Variants in VAPA observed in about 807,000 individuals in gnomAD.
VAPA encodes vesicle-associated membrane protein-associated protein A.
Under a neutral mutation model 25.6 loss-of-function variants are expected in VAPA, and 6 were observed. The observed-to-expected ratio is 0.23, with a 90% CI of 0.13 to 0.46. The LOEUF (loss-of-function observed/expected upper bound fraction) is 0.46, where lower values mean the gene tolerates loss of function less well. Among genes scored for constraint, VAPA ranks in the 20% least tolerant of loss-of-function variants. The probability of loss-of-function intolerance (pLI) is 0.99; values close to 1 mark genes in which losing one functional copy is unlikely to be tolerated. For synonymous variants in VAPA, 112 were observed against 106.2 expected (o/e 1.05, Z -0.34); for missense variants, 244 against 302.1 (o/e 0.81, Z 1.43).
At chr18:9,936,352 A>G in intron 3 of VAPA, 139 bp downstream of exon 3, 1 of 486,642 alleles carries the variant, frequency 2.1e-6, no homozygotes, top group Admixed American at 3.9e-5. Context: ...TCTTCATTAT[A>G]GATAATCCTA....
chr18:9,950,029 G>A (rs1248618003), intron 4 of VAPA: 1 of 177,604 alleles, frequency 5.6e-6, no homozygotes, highest in East Asian at 1.8e-4. Flanking sequence ...ACCTTCAATG[G>A]ATTTTGTTGA....
At chr18:9,948,559 C>G (rs975512105) in intron 4 of VAPA, 1 of 151,876 alleles carries the variant, frequency 6.6e-6, no homozygotes, top group Non-Finnish European at 1.5e-5. Context: ...TTGGTGTTGA[C>G]CCCATGTATA....
chr18:9,955,447 T>C lies in VAPA; in HGVS notation c.*1236T>C, dbSNP rs1418567038. The C allele has an allele frequency of 1.3e-5, 2 of 152,248 alleles. No homozygotes were observed. The highest frequency in any genetic ancestry group is 4.8e-5 in the African/African-American group (2 of 41,478). The allele number at this position is 152,248 out of a possible 1,614,324, so 9.4% of individuals were successfully genotyped here. Reference sequence around the variant, plus strand: ...TCCTGCACTTAGGTTTGTCCTATTCTTCATTTATTCATACTAGGATAGAAA... The same window carrying C: ...TCCTGCACTTAGGTTTGTCCTATTCCTCATTTATTCATACTAGGATAGAAA... On this transcript the variant is annotated 3_prime_UTR_variant, in exon 6 of 6. Transcript: ENST00000400000.
chr18:9,950,888 AC>A, intron 5 of VAPA: 1 of 263,066 alleles, frequency 3.8e-6, no homozygotes, highest in Non-Finnish European at 7.3e-6. Flanking sequence ...GTGTTGTCCC[AC>A]ATCATAGCCA....
At chr18:9,936,319 A>C (rs745918182) in intron 3 of VAPA, 106 bp downstream of exon 3, 18 of 688,254 alleles carry the variant, frequency 2.6e-5, no homozygotes, top group Non-Finnish European at 4.1e-5. Context: ...AGTTAAATTT[A>C]GGTTTTTAAA....
intron 4 of VAPA, among the ~76,000 whole-genome samples, chr18:9,940,337 C>T (rs1281685307): frequency 6.6e-6 from 1 of 151,958 alleles, no homozygotes; most frequent in Non-Finnish European, 1.5e-5. Flanking sequence ...AAGATTTTTC[C>T]AGGTCCAGAC....
At chr18:9,946,531 G>T (rs1322509696) in intron 4 of VAPA, among the ~76,000 whole-genome samples, 2 of 151,018 alleles carry the variant, frequency 1.3e-5, no homozygotes, top group East Asian at 3.9e-4. Context: ...TTTTATGTGT[G>T]GCCCAAGACA....
rs564077427 is a variant in VAPA at position 9,930,517 on chromosome 18, T to C, written c.80-1293T>C. On this transcript the variant is annotated intron_variant, in intron 1 of 5. Transcript: ENST00000400000. Reference sequence around the variant, plus strand: ...AAATGGACACATTGGAGTTTTCGTCTTTACTCTCATACTAGTTTTATGGTG... The same window carrying C: ...AAATGGACACATTGGAGTTTTCGTCCTTACTCTCATACTAGTTTTATGGTG... Among the ~76,000 whole-genome samples the C allele has an allele frequency of 4.6e-5, 7 of 152,232 alleles. No individual in the cohort carries two copies. The East Asian group carries it at 1.3e-3, about 29-fold the overall frequency.
At chr18:9,916,116 T>G (rs2069109838) in intron 1 of VAPA, among the ~76,000 whole-genome samples, 2 of 152,210 alleles carry the variant, frequency 1.3e-5, no homozygotes, top group Non-Finnish European at 2.9e-5. Context: ...GGCCAGGAAA[T>G]GTCCACAGAG....
intron 2 of VAPA, among the ~76,000 whole-genome samples, chr18:9,934,230 C>T (rs888406990): frequency 2.6e-5 from 4 of 152,052 alleles, no homozygotes; most frequent in African/African-American, 9.7e-5. Context: ...GTCCTTTTGA[C>T]GCTTTGTTTT....
intron 1 of VAPA, chr18:9,925,013 G>A (rs2069188490): frequency 6.6e-6 from 1 of 152,058 alleles, no homozygotes; most frequent in Admixed American, 6.6e-5. Flanking sequence ...TTTATGTAAA[G>A]GTGATGGATG....
intron 4 of VAPA, among the ~76,000 whole-genome samples, chr18:9,944,091 C>A (rs574876302): frequency 6.6e-6 from 1 of 151,686 alleles, no homozygotes; most frequent in Non-Finnish European, 1.5e-5. Flanking sequence ...CCTTGTGATC[C>A]GCCCGCCTTG....
At chr18:9,952,638 C>T (rs530297628) in intron 5 of VAPA, among the ~76,000 whole-genome samples, 1 of 152,096 alleles carries the variant, frequency 6.6e-6, no homozygotes, top group East Asian at 1.9e-4. Flanking sequence ...ACAGGCCCAC[C>T]ATAATTTTTT....
At chr18:9,914,458 G>A in intron 1 of VAPA, 123 bp downstream of exon 1, 1 of 815,468 alleles carries the variant, frequency 1.2e-6, no homozygotes, top group Non-Finnish European at 1.7e-6. Context: ...CCCACGCCCC[G>A]GCGCCTTCCC....
intron 2 of VAPA, among the ~76,000 whole-genome samples, chr18:9,934,418 G>A (rs530351986): frequency 8.5e-5 from 13 of 152,304 alleles, no homozygotes; most frequent in Non-Finnish European, 1.5e-4. Context: ...CATTAACTCA[G>A]TGAAGGTTGC....
chr18:9,930,698 T>TA (rs1567894912), intron 1 of VAPA, among the ~76,000 whole-genome samples: 4 of 151,638 alleles, frequency 2.6e-5, no homozygotes, highest in East Asian at 3.9e-4. Context: ...TGCTTTTTTT[T>TA]TAAAAAAAAA....
chr18:9,927,180 A>G (rs915056072), intron 1 of VAPA, among the ~76,000 whole-genome samples: 1 of 152,172 alleles, frequency 6.6e-6, no homozygotes, highest in East Asian at 1.9e-4. Flanking sequence ...ATGTGCATCA[A>G]AAATTAAGTG....
chr18:9,914,499 G>A, intron 1 of VAPA, 164 bp downstream of exon 1: 1 of 501,904 alleles, frequency 2.0e-6, no homozygotes, highest in Non-Finnish European at 3.3e-6. Context: ...CGCCACCTCG[G>A]CCGGCCTGCC....
intron 4 of VAPA, chr18:9,944,906 T>C: frequency 6.2e-7 from 1 of 1,612,736 alleles, no homozygotes; most frequent in South Asian, 1.1e-5. Context: ...TGAGAATATG[T>C]TTCCCATGCC....
Sources: allele counts gnomAD v4.1 joint callset (sites outside exome capture counted in the v4.1 genomes callset), GRCh38; gene constraint gnomAD v4.1.1; transcripts MANE v1.5; gene names NCBI Gene and HGNC (gene_info 2026-07-23, HGNC 2026-07-21).